Variants in BNIP5 observed in about 807,000 individuals in gnomAD.
The protein encoded by BNIP5 is BCL2 interacting protein 5, also known as protein BNIP5.
BNIP5 carries 61 observed loss-of-function variants against 67.3 expected under a neutral mutation model. The observed-to-expected ratio is 0.91, with a 90% CI of 0.74 to 1.12. The LOEUF is 1.12. BNIP5 is among the 50% of genes most tolerant of loss of function. The pLI, the probability that BNIP5 is intolerant of heterozygous loss-of-function variation, is 0.00. For missense variants in BNIP5, 826 were observed against 816.3 expected (o/e 1.01, Z -0.14); for synonymous variants, 317 against 319.0 (o/e 0.99, Z 0.07).
rs1771675840 is a variant in BNIP5, at chr6:36,323,273, G to A, written c.1471+20C>T. The A allele has an allele frequency of 1.2e-6, 2 of 1,613,684 alleles. No homozygotes were observed. Among genetic ancestry groups the A allele is most frequent in the Admixed American group, 1.7e-5 (1 of 60,006 alleles). On this transcript the variant is annotated intron_variant, in intron 8 of 11. Transcript: ENST00000437635. ...CCAAGAGGAAGCCTCTGTTACCATGGCAACACCAGGCCTGCTCACCAAGGC... is the reference window on the plus strand; with the variant it reads ...CCAAGAGGAAGCCTCTGTTACCATGACAACACCAGGCCTGCTCACCAAGGC...
intron 11 of BNIP5, 84 bp downstream of exon 11, chr6:36,319,272 G>A: frequency 6.5e-7 from 1 of 1,531,338 alleles, no homozygotes; most frequent in Non-Finnish European, 8.9e-7. Context: ...GGGGAGAGGA[G>A]GATAAGTAGA....
In BNIP5 at chr6:36,330,198, C is replaced by T. The variant is rs775074960; in HGVS notation, c.493G>A (p.Ala165Thr). ...TGAGCTGCCTTAGTCACCTCGGCCG[C>T]GTGTTTCTTGTGACCTTGCTTCTTG... The part of the protein sequence containing the change: ...SRKKQGHKKH[A>T]AEVTKAAQDQ... Residue 165 changes from alanine to threonine, a missense_variant, in exon 2 of 12, where the codon GCG becomes ACG. Physicochemically the swap from Ala to Thr is moderately conservative, Grantham distance 58 (BLOSUM62 0). Coordinates refer to ENST00000437635, the MANE Select transcript of BNIP5 (RefSeq NM_001010903.5). 21 of 1,614,020 alleles carry T rather than the reference C, an allele frequency of 1.3e-5. No homozygotes were observed. Among genetic ancestry groups the T allele is most frequent in the East Asian group, 6.7e-5 (3 of 44,888 alleles).
At chr6:36,327,969 C>G (rs1207336505) in intron 3 of BNIP5, among the ~76,000 whole-genome samples, 1 of 152,134 alleles carries the variant, frequency 6.6e-6, no homozygotes, top group Non-Finnish European at 1.5e-5. Context: ...AACTCAATGC[C>G]TCTTAGTTAT....
chr6:36,317,430 C>A, intron 11 of BNIP5, 39 bp from the exon 12 acceptor site: 1 of 1,580,520 alleles, frequency 6.3e-7, no homozygotes, highest in South Asian at 1.1e-5. Context: ...AGCCACAGCT[C>A]AATTATTTAT....
Position 36,322,522 on chromosome 6 carries a change from G to A in BNIP5, c.1472-80C>T. 3.4e-6 allele frequency: 5 copies of A among 1,464,312 alleles called. No individual in the cohort carries two copies. In the South Asian group the frequency reaches 5.2e-5, roughly 15 times the overall value. The allele number at this position is 1,464,312 out of a possible 1,614,324, so 90.7% of individuals were successfully genotyped here. A position where few individuals can be genotyped will look rare whatever the true frequency, so the allele number is the denominator to read the frequency against. On this transcript the variant is annotated intron_variant, in intron 8 of 11. Coordinates refer to ENST00000437635, the MANE Select transcript of BNIP5 (RefSeq NM_001010903.5). ...GACAAGAAGCTGTTCGGAGGCACAG[G>A]CATAAGCAGGGGCTGGTTTCCAGGC...
At chr6:36,327,490 C>G (rs1771791356) in intron 3 of BNIP5, among the ~76,000 whole-genome samples, 1 of 152,224 alleles carries the variant, frequency 6.6e-6, no homozygotes, top group Non-Finnish European at 1.5e-5. Flanking sequence ...CCTCAGAAAG[C>G]TGTCAAATGA....
chr6:36,330,277 T>C lies in BNIP5; in HGVS notation c.414A>G (p.Ala138=), dbSNP rs767383955. The C allele has an allele frequency of 1.2e-6, 2 of 1,614,102 alleles. No homozygotes were observed. The highest frequency in any genetic ancestry group is 1.3e-5 in the African/African-American group (1 of 74,948). The change falls in exon 2 of 12, where the codon GCA becomes GCG. Residue 138 remains alanine (A), a synonymous_variant. Transcript: ENST00000437635. ...TCTTCCTGAGGGCTGGCTCCCCTGC[T>C]GCTTCCAGGGGCTCCGGATGCTGGG... ...GISQHPEPLE[A]AGEPALRKKA...
chr6:36,325,206 C>T, intron 6 of BNIP5, 77 bp downstream of exon 6: 1 of 1,495,588 alleles, frequency 6.7e-7, no homozygotes, highest in South Asian at 1.1e-5. Flanking sequence ...CTCTCTGGCT[C>T]AGTGTCTCTT....
Position 36,316,196 on chromosome 6 carries a change from A to C in BNIP5, c.*1160T>G. 1 of 254,574 alleles carries C rather than the reference A, an allele frequency of 3.9e-6. No homozygotes were observed. The highest frequency in any genetic ancestry group is 1.7e-4 in the South Asian group (1 of 5,738). 15.8% of individuals were successfully genotyped at this position (254,574 alleles called of 1,614,324 possible). A position where few individuals can be genotyped will look rare whatever the true frequency, so the allele number is the denominator to read the frequency against. On this transcript the variant is annotated 3_prime_UTR_variant, in exon 12 of 12. Transcript: ENST00000437635. ...GCAATACCATGTCCCCAAGGGTCAC[A>C]AGATCTCACTTGCCATCCAGGTTTA...
At chr6:36,323,620 T>G in intron 7 of BNIP5, 87 bp from the exon 8 acceptor site, 3 of 1,465,318 alleles carry the variant, frequency 2.0e-6, no homozygotes, top group Non-Finnish European at 2.8e-6. Flanking sequence ...CACGGTGGGC[T>G]AGCAGGCGTT....
chr6:36,319,656 C>A, intron 10 of BNIP5, 46 bp from the exon 11 acceptor site: 1 of 1,576,268 alleles, frequency 6.3e-7, no homozygotes, highest in South Asian at 1.2e-5. Context: ...CTGGCAGTAC[C>A]CCTCCCGCCA....
Position 36,327,086 on chromosome 6 carries a change from T to C in BNIP5, c.736A>G (p.Ile246Val), listed in dbSNP as rs769725157. The C allele has an allele frequency of 6.8e-6, 11 of 1,613,916 alleles. No homozygotes were observed. The highest frequency in any genetic ancestry group is 6.6e-5 in the South Asian group (6 of 91,062). ...AGCAATTCCACTATCATCTGAATGA[T>C]AGCATCCTCTGGAAGAAAGCAAATG... ...EELKKPDQDA[I>V]IQMIVELLKR... Residue 246 changes from isoleucine to valine, a missense_variant, in exon 4 of 12, where the codon ATC (isoleucine) becomes GTC (valine). Transcript: ENST00000437635.
chr6:36,323,868 C>T (rs1043530867), intron 7 of BNIP5, among the ~76,000 whole-genome samples: 7 of 151,980 alleles, frequency 4.6e-5, no homozygotes, highest in Admixed American at 1.3e-4. Context: ...GGTGTGGTGG[C>T]GCATGCCTGT....
chr6:36,322,427 T>A lies in BNIP5; in HGVS notation c.1487A>T (p.Glu496Val), dbSNP rs574649409. 6.2e-7 allele frequency: 1 copy of A among 1,613,582 alleles called. No individual in the cohort carries two copies. Among genetic ancestry groups the A allele is most frequent in the Admixed American group, 1.7e-5 (1 of 59,932 alleles). ...TSSSLDPEDL[E>V]CREPLPAEGE... ...TTCTGCGGGCAGGGGCTCCCGGCAC[T>A]CGAGATCTTCTGGATCTAGGGCAAA... The change falls in exon 9 of 12, where the codon GAG (glutamate) becomes GTG (valine). Residue 496 changes from glutamate (E) to valine (V), a missense_variant. Physicochemically the swap from Glu to Val is moderately radical, Grantham distance 121. Transcript: ENST00000437635.
chr6:36,320,755 A>G (rs1771615834), intron 10 of BNIP5, among the ~76,000 whole-genome samples: 1 of 152,188 alleles, frequency 6.6e-6, no homozygotes, highest in South Asian at 2.1e-4. Context: ...GCACGGCAAG[A>G]CCGAGAGTGA....
intron 6 of BNIP5, 108 bp downstream of exon 6, chr6:36,325,175 G>A: frequency 2.4e-6 from 3 of 1,236,524 alleles, no homozygotes; most frequent in Non-Finnish European, 2.4e-6. Context: ...CTCAGAGGGA[G>A]GTCTGGACAG....
Position 36,330,223 on chromosome 6 carries a change from G to A in BNIP5, c.468C>T (p.Arg156=). 1 of 1,614,096 alleles carries A rather than the reference G, an allele frequency of 6.2e-7. No homozygotes were observed. Among genetic ancestry groups the A allele is most frequent in the Middle Eastern group, 1.6e-4 (1 of 6,062 alleles). ...KKAHHDKKPS[R]KKQGHKKHAA... is the part of the protein sequence containing the mutation. ...CGTGTTTCTTGTGACCTTGCTTCTTGCGGCTGGGCTTCTTGTCGTGGTGGG... is the reference window on the plus strand; with the variant it reads ...CGTGTTTCTTGTGACCTTGCTTCTTACGGCTGGGCTTCTTGTCGTGGTGGG... The change falls in exon 2 of 12, where the codon CGC becomes CGT. Residue 156 remains arginine (R), a synonymous_variant. Transcript: ENST00000437635.
chr6:36,324,161 G>T lies in BNIP5; in HGVS notation c.1198C>A (p.Leu400Ile), dbSNP rs963165261. The T allele has an allele frequency of 4.3e-6, 7 of 1,613,858 alleles. No individual in the cohort carries two copies. In the African/African-American group the frequency reaches 6.7e-5, roughly 15 times the overall value. The change falls in exon 7 of 12, where the codon CTC becomes ATC. Residue 400 changes from leucine (L) to isoleucine (I), a missense_variant. Transcript: ENST00000437635. ...KEFIQKIISM[L>I]QDAEEQQGEE... ...CCTTGCTGTTCTTCTGCATCTTGGA[G>T]CATGGAAATGATCTTCTGAATGAAT...
chr6:36,320,065 G>C (rs531638388), intron 10 of BNIP5, among the ~76,000 whole-genome samples: 1 of 152,302 alleles, frequency 6.6e-6, no homozygotes, highest in East Asian at 1.9e-4. Context: ...GGAATGAAAT[G>C]AGAGAATTTA....
Sources: allele counts gnomAD v4.1 joint callset (sites outside exome capture counted in the v4.1 genomes callset), GRCh38; gene constraint gnomAD v4.1.1; transcripts MANE v1.5; gene names NCBI Gene and HGNC (gene_info 2026-07-23, HGNC 2026-07-21).